The following CCDC192 variants were observed in gnomAD, a reference collection of about 807,000 sequenced individuals.
CCDC192 encodes coiled-coil domain-containing protein 192.
At chr5:127,906,478 G>A (rs1164538888) in intron 6 of CCDC192, among the ~76,000 whole-genome samples, 1 of 152,158 alleles carries the variant, frequency 6.6e-6, no homozygotes, top group Admixed American at 6.5e-5. Flanking sequence ...ATTGTTATGA[G>A]CACAGGTGTA....
At chr5:127,732,093 C>G (rs1032764344) in intron 2 of CCDC192, among the ~76,000 whole-genome samples, 15 of 151,894 alleles carry the variant, frequency 9.9e-5, no homozygotes, top group African/African-American at 3.1e-4. Flanking sequence ...TTTTTGCAAT[C>G]TATTCATCTG....
At chr5:127,709,160 AG>A (rs1480298858) in intron 2 of CCDC192, among the ~76,000 whole-genome samples, 1 of 87,554 alleles carries the variant, frequency 1.1e-5, no homozygotes, top group Admixed American at 1.4e-4. Flanking sequence ...AGAGAGAGAG[AG>A]GGGGAGAGGG....
intron 2 of CCDC192, among the ~76,000 whole-genome samples, chr5:127,715,658 T>C (rs922366451): frequency 6.6e-6 from 1 of 152,234 alleles, no homozygotes; most frequent in Non-Finnish European, 1.5e-5. Flanking sequence ...ATTTAATCTG[T>C]AAATTTCTTT....
chr5:127,932,108 C>T lies in CCDC192; in HGVS notation c.536-9074C>T, dbSNP rs552656765. Among the ~76,000 whole-genome samples the T allele has an allele frequency of 2.0e-3, 292 of 148,372 alleles. 2 individuals are homozygous for T. The highest frequency in any genetic ancestry group is 7.0e-3 in the Middle Eastern group (2 of 284). On this transcript the variant is annotated intron_variant, in intron 6 of 6. Coordinates refer to ENST00000514853, the MANE Select transcript of CCDC192 (RefSeq NM_001317938.2). ...GGCAGAGGTTGCAGTGATCCGAGAT[C>T]GTGCCACTGCGCTCCAGCCTGGGCA... is the stretch of plus-strand genomic sequence containing the variant.
At chr5:127,794,144 C>T (rs1454308498) in intron 3 of CCDC192, among the ~76,000 whole-genome samples, 1 of 152,158 alleles carries the variant, frequency 6.6e-6, no homozygotes, top group East Asian at 1.9e-4. Flanking sequence ...TAGGTCACAT[C>T]TCCTTATACG....
intron 6 of CCDC192, among the ~76,000 whole-genome samples, chr5:127,876,676 GCTTT>G (rs1752093332): frequency 6.6e-6 from 1 of 152,146 alleles, no homozygotes; most frequent in Non-Finnish European, 1.5e-5. Flanking sequence ...TCTTACTCTG[GCTTT>G]CTTTATTACT....
intron 5 of CCDC192, among the ~76,000 whole-genome samples, chr5:127,843,931 G>C (rs1179907891): frequency 6.6e-6 from 1 of 152,198 alleles, no homozygotes; most frequent in Non-Finnish European, 1.5e-5. Flanking sequence ...TAGTTTAACT[G>C]TTTTAATCTT....
At chr5:127,824,956 T>C (rs934829388) in intron 5 of CCDC192, among the ~76,000 whole-genome samples, 1 of 152,082 alleles carries the variant, frequency 6.6e-6, no homozygotes, top group African/African-American at 2.4e-5. Context: ...GAAGACTAGG[T>C]TGGTAGTTGT....
intron 5 of CCDC192, among the ~76,000 whole-genome samples, chr5:127,834,144 A>G (rs151885): frequency 0.34 from 52,295 of 151,882 alleles, 9,164 homozygotes; most frequent in South Asian, 0.46. Flanking sequence ...CCAGAGATGT[A>G]CCTAGACCCT....
At chr5:127,761,891 A>G (rs1250308539) in intron 3 of CCDC192, among the ~76,000 whole-genome samples, 1 of 152,188 alleles carries the variant, frequency 6.6e-6, no homozygotes, top group Admixed American at 6.5e-5. Context: ...AGGCCCTAAC[A>G]AAACTCCCAT....
Position 127,779,592 on chromosome 5 carries a change from G to T in CCDC192, c.223-17511G>T, listed in dbSNP as rs571251765. 2.6e-5 allele frequency among the ~76,000 whole-genome samples: 4 copies of T among 152,300 alleles called. No individual in the cohort carries two copies. The South Asian group carries it at 8.3e-4, about 32-fold the overall frequency. On this transcript the variant is annotated intron_variant, in intron 3 of 6. Transcript: ENST00000514853. ...TTACAGGCATGAGCCACTGCGCCTA[G>T]CCTGGATCTATGTAAAATTACATAC... is the stretch of plus-strand genomic sequence containing the variant.
At position 127,821,150 on chromosome 5, in the gene CCDC192, G is replaced by A. The variant is rs529330596; in HGVS notation, c.411+22988G>A. 4.6e-5 allele frequency among the ~76,000 whole-genome samples: 7 copies of A among 152,308 alleles called. No individual in the cohort carries two copies. In the East Asian group the frequency reaches 1.3e-3, roughly 29 times the overall value. On this transcript the variant is annotated intron_variant, in intron 5 of 6. Coordinates refer to ENST00000514853, the MANE Select transcript of CCDC192 (RefSeq NM_001317938.2). ...TGTTTAACAACCAGCTTTGGTGGAAGGTGGATGATTTATAGTGTTTGCCTA... is the reference window on the plus strand; with the variant it reads ...TGTTTAACAACCAGCTTTGGTGGAAAGTGGATGATTTATAGTGTTTGCCTA...
At chr5:127,749,925 T>C (rs1754034477) in intron 2 of CCDC192, among the ~76,000 whole-genome samples, 1 of 152,140 alleles carries the variant, frequency 6.6e-6, no homozygotes, top group African/African-American at 2.4e-5. Flanking sequence ...TATTCTCTGA[T>C]GGTAGTTTGT....
chr5:127,857,028 T>A (rs1484385567), intron 5 of CCDC192, among the ~76,000 whole-genome samples: 2 of 152,174 alleles, frequency 1.3e-5, no homozygotes, highest in East Asian at 1.9e-4. Context: ...ACACTTTCAA[T>A]TTGTGAAAAA....
chr5:127,897,678 T>G (rs1249577771), intron 6 of CCDC192, among the ~76,000 whole-genome samples: 1 of 152,222 alleles, frequency 6.6e-6, no homozygotes, highest in Non-Finnish European at 1.5e-5. Flanking sequence ...TTTTTCCTCT[T>G]AGGAATTAGC....
chr5:127,895,812 G>C (rs1752863851), intron 6 of CCDC192, among the ~76,000 whole-genome samples: 1 of 151,656 alleles, frequency 6.6e-6, no homozygotes, highest in Non-Finnish European at 1.5e-5. Context: ...CTGCACTCTA[G>C]CCTGGGTGAC....
chr5:127,763,118 G>A (rs531325608), intron 3 of CCDC192, among the ~76,000 whole-genome samples: 1 of 151,880 alleles, frequency 6.6e-6, no homozygotes, highest in South Asian at 2.1e-4. Context: ...AAAGCCTTAA[G>A]TCCTCACTAC....
At chr5:127,812,098 G>A (rs1489469886) in intron 5 of CCDC192, among the ~76,000 whole-genome samples, 2 of 152,162 alleles carry the variant, frequency 1.3e-5, no homozygotes, top group African/African-American at 4.8e-5. Flanking sequence ...GATACTAAAT[G>A]TATCTAGCTC....
chr5:127,765,072 G>A (rs904942459), intron 3 of CCDC192, among the ~76,000 whole-genome samples: 13 of 152,142 alleles, frequency 8.5e-5, no homozygotes, highest in African/African-American at 2.7e-4. Context: ...TAGTACAGAG[G>A]TCTTCAAAAT....
Sources: gnomAD v4.1 joint callset for allele counts (sites outside exome capture counted in the v4.1 genomes callset) on GRCh38, gnomAD v4.1.1 for gene constraint, MANE v1.5 for transcripts, NCBI Gene and HGNC (gene_info 2026-07-23, HGNC 2026-07-21) for gene names.